Variants in DGKB observed in about 807,000 individuals in gnomAD.
The protein encoded by DGKB is 90 kDa diacylglycerol kinase.
In DGKB, 67 loss-of-function variants were observed where a neutral mutation model predicts 114.3. The ratio of observed to expected loss-of-function variants is 0.59; its 90% CI spans 0.48 to 0.72. The LOEUF (loss-of-function observed/expected upper bound fraction) is 0.72. Ranked by LOEUF, DGKB falls within the 30% of genes least tolerant of loss-of-function variation. DGKB has a pLI of 0.00. For synonymous variants in DGKB, 398 were observed against 323.1 expected (o/e 1.23, Z -2.49); for missense variants, 907 against 975.2 (o/e 0.93, Z 0.93).
At chr7:14,864,713 G>T (rs1400684959) in intron 1 of DGKB, among the ~76,000 whole-genome samples, 1 of 151,320 alleles carries the variant, frequency 6.6e-6, no homozygotes, top group Non-Finnish European at 1.5e-5. Flanking sequence ...TAAAGACAGA[G>T]AAATGTACAA....
intron 6 of DGKB, among the ~76,000 whole-genome samples, chr7:14,708,574 G>A (rs1166375481): frequency 6.6e-6 from 1 of 151,260 alleles, no homozygotes. Flanking sequence ...ATACTACAAG[G>A]CTACAGTAAC....
intron 2 of DGKB, among the ~76,000 whole-genome samples, chr7:14,776,651 C>A (rs1838243299): frequency 6.6e-6 from 1 of 152,204 alleles, no homozygotes; most frequent in Non-Finnish European, 1.5e-5. Flanking sequence ...GATTTGGAAA[C>A]CTCTGCCTGA....
chr7:14,556,210 T>A lies in DGKB; in HGVS notation c.1770+18002A>T, dbSNP rs1300604019. Among the ~76,000 whole-genome samples the A allele has an allele frequency of 2.0e-5, 3 of 152,196 alleles. No homozygotes were observed. The East Asian group carries it at 5.8e-4, about 29-fold the overall frequency. ...TCCTCATATATGCTGAGTGGTTTTTTAACTAAATGTAAACCTTGGCATATT... is the reference window on the plus strand; with the variant it reads ...TCCTCATATATGCTGAGTGGTTTTTAAACTAAATGTAAACCTTGGCATATT... On this transcript the variant is annotated intron_variant, in intron 20 of 25. Coordinates refer to ENST00000402815, the MANE Select transcript of DGKB (RefSeq NM_001350709.2).
intron 23 of DGKB, among the ~76,000 whole-genome samples, chr7:14,178,384 A>G (rs929349929): frequency 5.3e-5 from 8 of 149,588 alleles, no homozygotes; most frequent in East Asian, 2.0e-4. Flanking sequence ...CAAAATGGGA[A>G]GCACAGATTC....
intron 9 of DGKB, among the ~76,000 whole-genome samples, chr7:14,688,629 C>A (rs1039968328): frequency 6.6e-6 from 1 of 152,126 alleles, no homozygotes; most frequent in African/African-American, 2.4e-5. Flanking sequence ...TGTAATGAAG[C>A]TGTTCAGGTC....
chr7:14,936,196 A>G (rs1473699090), intron 1 of DGKB, among the ~76,000 whole-genome samples: 1 of 152,222 alleles, frequency 6.6e-6, no homozygotes, highest in African/African-American at 2.4e-5. Context: ...TGGACTGTAC[A>G]AACAAGAACG....
At chr7:14,428,467 A>T (rs1170227184) in intron 21 of DGKB, among the ~76,000 whole-genome samples, 1 of 152,190 alleles carries the variant, frequency 6.6e-6, no homozygotes, top group Non-Finnish European at 1.5e-5. Flanking sequence ...TGAGAGGTTC[A>T]TAAAATAAAA....
chr7:14,830,715 G>T (rs1055954267), intron 2 of DGKB, among the ~76,000 whole-genome samples: 3 of 152,114 alleles, frequency 2.0e-5, no homozygotes, highest in East Asian at 3.9e-4. Context: ...ACACCATGTG[G>T]GATATCAATG....
intron 23 of DGKB, among the ~76,000 whole-genome samples, chr7:14,181,215 C>T (rs73065755): frequency 0.034 from 5,111 of 152,136 alleles, 123 homozygotes; most frequent in Middle Eastern, 0.058. Flanking sequence ...ACCATATGGT[C>T]GACAAAGCTG....
intron 1 of DGKB, among the ~76,000 whole-genome samples, chr7:14,891,233 G>A (rs558246048): frequency 6.6e-6 from 1 of 151,430 alleles, no homozygotes; most frequent in African/African-American, 2.4e-5. Flanking sequence ...GCATTTCAGA[G>A]AATGAAGAAG....
chr7:14,260,969 G>T (rs1370174001), intron 23 of DGKB, among the ~76,000 whole-genome samples: 1 of 152,026 alleles, frequency 6.6e-6, no homozygotes, highest in African/African-American at 2.4e-5. Context: ...ACCAAAACAC[G>T]CCTGAGATTT....
intron 23 of DGKB, among the ~76,000 whole-genome samples, chr7:14,276,103 C>A (rs373961867): frequency 6.6e-6 from 1 of 152,092 alleles, no homozygotes; most frequent in East Asian, 1.9e-4. Context: ...CACTATGAGG[C>A]AAATCACTGA....
chr7:14,971,980 A>C (rs1419007091), intron 1 of DGKB, among the ~76,000 whole-genome samples: 1 of 152,096 alleles, frequency 6.6e-6, no homozygotes, highest in Non-Finnish European at 1.5e-5. Context: ...TCCTGACCTC[A>C]GGTGATCTGC....
At chr7:14,581,237 G>T (rs1799890329) in intron 18 of DGKB, among the ~76,000 whole-genome samples, 1 of 152,116 alleles carries the variant, frequency 6.6e-6, no homozygotes, top group Admixed American at 6.6e-5. Flanking sequence ...AAATTGTGGT[G>T]TGTCTTATCT....
At chr7:14,694,248 A>C in intron 8 of DGKB, 54 bp from the exon 9 acceptor site, 1 of 1,487,614 alleles carries the variant, frequency 6.7e-7, no homozygotes, top group South Asian at 1.2e-5. Flanking sequence ...AATAAATTTC[A>C]TAGGCTACAA....
At chr7:14,642,458 T>C (rs990981745) in intron 13 of DGKB, among the ~76,000 whole-genome samples, 1 of 152,242 alleles carries the variant, frequency 6.6e-6, no homozygotes, top group East Asian at 1.9e-4. Flanking sequence ...GCATTGGCAG[T>C]TGATAGAAAA....
chr7:14,295,198 A>G (rs886682076), intron 23 of DGKB, among the ~76,000 whole-genome samples: 2 of 152,170 alleles, frequency 1.3e-5, no homozygotes, highest in African/African-American at 4.8e-5. Context: ...AAAATATGCA[A>G]TTTTACTTTA....
intron 12 of DGKB, among the ~76,000 whole-genome samples, chr7:14,676,972 G>A (rs915876516): frequency 6.6e-6 from 1 of 151,794 alleles, no homozygotes; most frequent in Admixed American, 6.6e-5. Flanking sequence ...TCCCATTCAT[G>A]TTAAGGGATT....
chr7:14,447,021 T>C (rs1208112902), intron 21 of DGKB, among the ~76,000 whole-genome samples: 1 of 152,162 alleles, frequency 6.6e-6, no homozygotes, highest in African/African-American at 2.4e-5. Context: ...CTATGTTTCC[T>C]TAACTTGACC....
Sources: allele counts gnomAD v4.1 joint callset (sites outside exome capture counted in the v4.1 genomes callset), GRCh38; gene constraint gnomAD v4.1.1; transcripts MANE v1.5; gene names NCBI Gene and HGNC (gene_info 2026-07-23, HGNC 2026-07-21).